Variants in RABGAP1L observed in about 807,000 individuals in gnomAD.
RABGAP1L encodes the protein RAB GTPase activating protein 1 like.
In RABGAP1L, 63 loss-of-function variants were observed where a neutral mutation model predicts 137.7. The ratio of observed to expected loss-of-function variants is 0.46; its 90% confidence interval spans 0.37 to 0.56. The LOEUF is 0.56. RABGAP1L is among the 20% of genes least tolerant of loss of function. RABGAP1L has a pLI of 0.00. For synonymous variants in RABGAP1L, 431 were observed against 433.7 expected, an observed-to-expected ratio of 0.99 and a Z score of 0.08; for missense variants, 1,095 against 1,244.0, an observed-to-expected ratio of 0.88 and a Z score of 1.80.
At chr1:174,663,708 T>C (rs184948784) in intron 14 of RABGAP1L, among the ~76,000 whole-genome samples, 72 of 152,300 alleles carry the variant, frequency 4.7e-4, no homozygotes, top group Admixed American at 2.8e-3. Flanking sequence ...TCTCAATACT[T>C]TTATGGTTAT....
intron 13 of RABGAP1L, among the ~76,000 whole-genome samples, chr1:174,534,109 C>G (rs1352193618): frequency 2.0e-5 from 3 of 150,532 alleles, no homozygotes; most frequent in Non-Finnish European, 4.4e-5. Flanking sequence ...TGCCCCAACT[C>G]CTGCATTGTT....
intron 19 of RABGAP1L, among the ~76,000 whole-genome samples, chr1:174,907,998 G>A (rs1659396594): frequency 6.6e-6 from 1 of 152,186 alleles, no homozygotes; most frequent in African/African-American, 2.4e-5. Context: ...AACTGGAAAT[G>A]AGCAGGAATA....
intron 2 of RABGAP1L, among the ~76,000 whole-genome samples, chr1:174,219,891 A>G (rs556889699): frequency 5.3e-5 from 8 of 152,332 alleles, no homozygotes; most frequent in Admixed American, 2.6e-4. Context: ...AAACAGGAAT[A>G]GGAAAAGTAG....
intron 13 of RABGAP1L, among the ~76,000 whole-genome samples, chr1:174,489,471 A>T (rs565307489): frequency 6.6e-6 from 1 of 152,132 alleles, no homozygotes; most frequent in Non-Finnish European, 1.5e-5. Context: ...AATCAAAACC[A>T]CAATGAGATA....
intron 11 of RABGAP1L, among the ~76,000 whole-genome samples, chr1:174,362,841 C>T (rs1684265528): frequency 6.6e-6 from 1 of 152,072 alleles, no homozygotes; most frequent in Non-Finnish European, 1.5e-5. Context: ...TTGCTTTTGG[C>T]ATCTTCATCA....
chr1:174,383,443 T>A (rs372890216), intron 12 of RABGAP1L, among the ~76,000 whole-genome samples: 2 of 151,080 alleles, frequency 1.3e-5, no homozygotes, highest in East Asian at 2.0e-4. Flanking sequence ...ATCAGCGAGA[T>A]TCCGTTGGCG....
At chr1:174,578,935 G>A (rs940267065) in intron 13 of RABGAP1L, among the ~76,000 whole-genome samples, 5 of 152,046 alleles carry the variant, frequency 3.3e-5, no homozygotes, top group Admixed American at 6.6e-5. Flanking sequence ...TATTTGTGCT[G>A]TATAGTTTTC....
chr1:174,534,802 A>AAAAAAAAAAAAAAAATAAT (rs1553324953), intron 13 of RABGAP1L, among the ~76,000 whole-genome samples: 1 of 137,266 alleles, frequency 7.3e-6, no homozygotes, highest in Admixed American at 7.4e-5. Context: ...AAAAAAAAAA[A>AAAAAAAAAAAAAAAATAAT]AATAATTAGA....
At chr1:174,922,660 C>G (rs942723028) in intron 19 of RABGAP1L, among the ~76,000 whole-genome samples, 1 of 152,150 alleles carries the variant, frequency 6.6e-6, no homozygotes, top group African/African-American at 2.4e-5. Context: ...TCTGAAAGAG[C>G]AATGATAACA....
chr1:174,631,768 A>AT, intron 13 of RABGAP1L, among the ~76,000 whole-genome samples: 1 of 147,788 alleles, frequency 6.8e-6, no homozygotes, highest in East Asian at 2.0e-4. Flanking sequence ...CCATCCTTTT[A>AT]TTTTGAGCCT....
intron 16 of RABGAP1L, among the ~76,000 whole-genome samples, chr1:174,699,900 G>A (rs1679519023): frequency 6.6e-6 from 1 of 152,232 alleles, no homozygotes; most frequent in African/African-American, 2.4e-5. Context: ...AGAATCTAAT[G>A]AGTTTAATCA....
At chr1:174,202,868 A>G (rs901946849) in intron 1 of RABGAP1L, among the ~76,000 whole-genome samples, 6 of 152,176 alleles carry the variant, frequency 3.9e-5, no homozygotes, top group African/African-American at 1.2e-4. Flanking sequence ...CTTTCTACAT[A>G]TGGCTAGCCA....
chr1:174,920,962 G>A lies in RABGAP1L; in HGVS notation c.2341-36495G>A, dbSNP rs189481392. Reference sequence around the variant, plus strand: ...GTTTGAGACGGAGTCTTGCTCTGTCGCCCAGGCTGGAGTACAGTGGAGCGA... The same window carrying A: ...GTTTGAGACGGAGTCTTGCTCTGTCACCCAGGCTGGAGTACAGTGGAGCGA... On this transcript the variant is annotated intron_variant, in intron 19 of 25. Transcript: ENST00000681986. Among the ~76,000 whole-genome samples the A allele has an allele frequency of 1.7e-3, 264 of 152,162 alleles. 1 individual carries two copies. The highest frequency in any genetic ancestry group is 6.0e-3 in the African/African-American group (251 of 41,506).
At chr1:174,264,279 A>G (rs1377939135) in intron 7 of RABGAP1L, among the ~76,000 whole-genome samples, 1 of 152,058 alleles carries the variant, frequency 6.6e-6, no homozygotes, top group African/African-American at 2.4e-5. Flanking sequence ...TACTACAAGA[A>G]ACTTAATTCT....
chr1:174,589,025 T>C (rs904207880), intron 13 of RABGAP1L, among the ~76,000 whole-genome samples: 1 of 152,214 alleles, frequency 6.6e-6, no homozygotes, highest in Admixed American at 6.5e-5. Context: ...AGAACTTCTA[T>C]ACTGTTCTTC....
At chr1:174,249,273 C>G (rs1672518675) in intron 5 of RABGAP1L, among the ~76,000 whole-genome samples, 2 of 152,124 alleles carry the variant, frequency 1.3e-5, no homozygotes, top group African/African-American at 4.8e-5. Context: ...AGTAAAAATA[C>G]TGGTAGCTCT....
intron 13 of RABGAP1L, chr1:174,449,246 A>G (rs1201183852): frequency 2.8e-6 from 4 of 1,453,766 alleles, no homozygotes; most frequent in Admixed American, 2.4e-5. Context: ...GTTTTGGATC[A>G]TATTCTAGAT....
chr1:174,444,886 T>G (rs1654571568), intron 13 of RABGAP1L, among the ~76,000 whole-genome samples: 1 of 152,084 alleles, frequency 6.6e-6, no homozygotes, highest in Non-Finnish European at 1.5e-5. Flanking sequence ...AAAATCAAGT[T>G]TTTGTTTTGT....
intron 1 of RABGAP1L, among the ~76,000 whole-genome samples, chr1:174,195,688 CCTT>C (rs539492316): frequency 8.8e-6 from 1 of 113,974 alleles, no homozygotes; most frequent in South Asian, 2.9e-4. Context: ...TTCCTTCTTT[CCTT>C]CTTTCCTTCT....
Sources: allele counts gnomAD v4.1 joint callset (sites outside exome capture counted in the v4.1 genomes callset), GRCh38; gene constraint gnomAD v4.1.1; transcripts MANE v1.5; gene names NCBI Gene and HGNC (gene_info 2026-07-23, HGNC 2026-07-21).